NXPE2: variants seen among roughly 807,000 people sequenced by gnomAD.
The protein encoded by NXPE2 is NXPE family member 2.
A neutral mutation model predicts 34.4 loss-of-function variants in NXPE2; 34 were observed. The ratio of observed to expected loss-of-function variants is 0.99; its 90% CI spans 0.75 to 1.31. NXPE2 has a LOEUF of 1.31. Among genes scored for constraint, NXPE2 ranks in the 40% most tolerant of loss-of-function variants. The probability of loss-of-function intolerance (pLI) is 0.00; values close to 1 mark genes in which losing one functional copy is unlikely to be tolerated. For synonymous variants in NXPE2, 235 were observed against 231.3 expected (o/e 1.02, Z -0.15); for missense variants, 649 against 672.5 (o/e 0.97, Z 0.39).
the NXPE2 span, among the ~76,000 whole-genome samples, chr11:114,744,441 G>T: frequency 9.7e-5 from 4 of 41,424 alleles, no homozygotes; most frequent in South Asian, 7.9e-4. Flanking sequence ...GACATTTATT[G>T]TTGATACTTT....
the NXPE2 span, among the ~76,000 whole-genome samples, chr11:114,597,175 T>G: frequency 0.43 from 64,888 of 151,946 alleles, 15,051 homozygotes; most frequent in African/African-American, 0.61. Context: ...AAATATTTCT[T>G]TTAAAAAGTG....
chr11:114,711,276 T>C (rs567065838), downstream of NXPE2, among the ~76,000 whole-genome samples: 94 of 152,160 alleles, frequency 6.2e-4, no homozygotes, highest in African/African-American at 2.2e-3. Flanking sequence ...AATTTTGTTA[T>C]ATATAGCATA....
chr11:114,597,276 T>C, the NXPE2 span, among the ~76,000 whole-genome samples: 1 of 152,154 alleles, frequency 6.6e-6, no homozygotes, highest in East Asian at 1.9e-4. Context: ...AAAAAAGAAG[T>C]GGAACATAGC....
At chr11:114,509,870 C>T in the NXPE2 span, among the ~76,000 whole-genome samples, 1 of 152,136 alleles carries the variant, frequency 6.6e-6, no homozygotes, top group Non-Finnish European at 1.5e-5. Flanking sequence ...AACAAACTCC[C>T]ATGACACAAG....
At chr11:114,612,611 G>C in the NXPE2 span, among the ~76,000 whole-genome samples, 14 of 151,980 alleles carry the variant, frequency 9.2e-5, no homozygotes, top group Non-Finnish European at 1.6e-4. Flanking sequence ...GGTAACCAGA[G>C]TTACCCTGTG....
chr11:114,471,122 A>G, the NXPE2 span, among the ~76,000 whole-genome samples: 1 of 152,320 alleles, frequency 6.6e-6, no homozygotes, highest in African/African-American at 2.4e-5. Flanking sequence ...ATCTAAGAGA[A>G]TGTCTTAATT....
At chr11:114,550,161 A>C in the NXPE2 span, among the ~76,000 whole-genome samples, 1 of 152,180 alleles carries the variant, frequency 6.6e-6, no homozygotes, top group Non-Finnish European at 1.5e-5. Flanking sequence ...TATACATTTA[A>C]TAAAATCACA....
At chr11:114,552,502 G>T in the NXPE2 span, among the ~76,000 whole-genome samples, 1 of 151,760 alleles carries the variant, frequency 6.6e-6, no homozygotes, top group Non-Finnish European at 1.5e-5. Flanking sequence ...ACAGAATCCC[G>T]ATTTTTAGAC....
the NXPE2 span, among the ~76,000 whole-genome samples, chr11:114,720,767 T>C: frequency 3.3e-5 from 5 of 152,232 alleles, no homozygotes; most frequent in Admixed American, 6.5e-5. Flanking sequence ...ATAGGTTTAC[T>C]GGGAAATTTC....
chr11:114,529,154 C>A, the NXPE2 span: 2 of 224,026 alleles, frequency 8.9e-6, no homozygotes, highest in Non-Finnish European at 1.7e-5. Context: ...TTCTGTGAAC[C>A]TAGCATTCTA....
At chr11:114,683,816 A>G (rs993821865) in intron 2 of NXPE2, among the ~76,000 whole-genome samples, 1 of 152,220 alleles carries the variant, frequency 6.6e-6, no homozygotes, top group Non-Finnish European at 1.5e-5. Context: ...GTGAGAGGTA[A>G]TGGTGGCCTG....
the NXPE2 span, chr11:114,571,101 T>G: frequency 6.2e-7 from 1 of 1,614,022 alleles, no homozygotes; most frequent in Non-Finnish European, 8.5e-7. Context: ...AATGTAACCA[T>G]GAAAGTCACT....
the NXPE2 span, chr11:114,582,537 G>C: frequency 6.2e-7 from 1 of 1,614,022 alleles, no homozygotes; most frequent in Admixed American, 1.7e-5. Context: ...TTGGTTCCTT[G>C]CACTCCAGAG....
chr11:114,696,482 G>T (rs1389535722), intron 2 of NXPE2, among the ~76,000 whole-genome samples: 1 of 151,946 alleles, frequency 6.6e-6, no homozygotes, highest in South Asian at 2.1e-4. Context: ...AATAATGCTT[G>T]TATGAATTTA....
chr11:114,630,745 A>T, the NXPE2 span, among the ~76,000 whole-genome samples: 1 of 151,646 alleles, frequency 6.6e-6, no homozygotes, highest in Non-Finnish European at 1.5e-5. Flanking sequence ...CAACCTACAA[A>T]ATGGGAGAAA....
chr11:114,598,084 T>TA, the NXPE2 span, among the ~76,000 whole-genome samples: 1 of 152,086 alleles, frequency 6.6e-6, no homozygotes, highest in Non-Finnish European at 1.5e-5. Context: ...TGGGTAAATG[T>TA]AAAAAAATTC....
chr11:114,702,438 G>T (rs1156468761), intron 3 of NXPE2, among the ~76,000 whole-genome samples: 1 of 152,116 alleles, frequency 6.6e-6, no homozygotes, highest in Non-Finnish European at 1.5e-5. Flanking sequence ...TAGAGGTTTG[G>T]TCAGATTAAA....
At chr11:114,514,101 A>G in the NXPE2 span, among the ~76,000 whole-genome samples, 1 of 152,162 alleles carries the variant, frequency 6.6e-6, no homozygotes, top group East Asian at 1.9e-4. Context: ...TCTTTTTTAC[A>G]TAAAATGCAT....
chr11:114,566,413 A>G, the NXPE2 span, among the ~76,000 whole-genome samples: 1 of 152,196 alleles, frequency 6.6e-6, no homozygotes, highest in Admixed American at 6.5e-5. Context: ...GCACAGAAAC[A>G]AAGGAAAGTG....
Sources: gnomAD v4.1 joint callset for allele counts (sites outside exome capture counted in the v4.1 genomes callset) on GRCh38, gnomAD v4.1.1 for gene constraint, MANE v1.5 for transcripts, NCBI Gene and HGNC (gene_info 2026-07-23, HGNC 2026-07-21) for gene names.